Variants in PHLDB1 observed in about 807,000 individuals in gnomAD.
The protein encoded by PHLDB1 is pleckstrin homology like domain family B member 1.
A neutral mutation model predicts 139.3 loss-of-function variants in PHLDB1; 65 were observed. That is an observed-to-expected ratio of 0.47 (90% CI 0.38 to 0.57). PHLDB1 has a LOEUF of 0.57. Ranked by LOEUF, PHLDB1 falls within the 20% of genes least tolerant of loss-of-function variation. The pLI, the probability that PHLDB1 is intolerant of heterozygous loss-of-function variation, is 0.00. For missense variants in PHLDB1, 1,624 were observed against 1,839.7 expected (o/e 0.88, Z 2.14); for synonymous variants, 679 against 734.5 (o/e 0.92, Z 1.22).
chr11:118,654,413 GTATT>G (rs1364792330), intron 20 of PHLDB1: 4 of 151,998 alleles, frequency 2.6e-5, no homozygotes, highest in Non-Finnish European at 4.4e-5. Context: ...ATAGGTAAAA[GTATT>G]CATATAGTTC....
At position 118,644,757 on chromosome 11, in the gene PHLDB1, G is replaced by A. The variant is rs1405205470; in HGVS notation, c.3121+583G>A. On this transcript the variant is annotated intron_variant, in intron 15 of 22. Transcript: ENST00000600882. ...GCCCCTGCCCTGGCATCAGCATGAT[G>A]TGTCCTGCCCAGGTCCCCACTGCCT... 4.5e-6 allele frequency: 5 copies of A among 1,108,148 alleles called. No individual in the cohort carries two copies. In the Admixed American group the frequency reaches 9.4e-5, roughly 21 times the overall value. The allele number at this position is 1,108,148 out of a possible 1,614,324, so 68.6% of individuals were successfully genotyped here. A position where few individuals can be genotyped will look rare whatever the true frequency, so the allele number is the denominator to read the frequency against.
At chr11:118,637,983 G>C (rs181467683) in intron 10 of PHLDB1, 1 of 152,424 alleles carries the variant, frequency 6.6e-6, no homozygotes, top group Non-Finnish European at 1.5e-5. Flanking sequence ...AATAAAGGCA[G>C]ATGGTGATAC....
At position 118,650,632 on chromosome 11, in the gene PHLDB1, C is replaced by G; in HGVS notation, c.3874+85C>G. On this transcript the variant is annotated intron_variant, in intron 20 of 22. Coordinates refer to ENST00000600882, the MANE Select transcript of PHLDB1 (RefSeq NM_001144758.3). The surrounding 1 kb of genome is among the most constrained non-coding windows in gnomAD (Gnocchi z 4.7). ...GACGGCTGGTCTTCTAGAAGGAGGC[C>G]AAGCTTCCAAGTAGGGGACCAGAGT... 1.1e-6 allele frequency: 1 copy of G among 893,318 alleles called. No homozygotes were observed. The highest frequency in any genetic ancestry group is 1.4e-5 in the South Asian group (1 of 73,554). The allele number at this position is 893,318 out of a possible 1,614,324, so 55.3% of individuals were successfully genotyped here. A position where few individuals can be genotyped will look rare whatever the true frequency, so the allele number is the denominator to read the frequency against.
intron 4 of PHLDB1, among the ~76,000 whole-genome samples, chr11:118,616,530 A>T (rs1941681941): frequency 6.6e-6 from 1 of 152,164 alleles, no homozygotes; most frequent in Non-Finnish European, 1.5e-5. Flanking sequence ...GGGAAGAGCA[A>T]TTGGAGCAGC....
At chr11:118,655,503 C>T in intron 20 of PHLDB1, 102 bp from the exon 21 acceptor site, 1 of 738,568 alleles carries the variant, frequency 1.4e-6, no homozygotes, top group Non-Finnish European at 2.4e-6. Flanking sequence ...GGATCTTCAC[C>T]CCATTTCCCA....
chr11:118,612,783 A>T (rs1321880259), intron 1 of PHLDB1, among the ~76,000 whole-genome samples: 1 of 152,220 alleles, frequency 6.6e-6, no homozygotes, highest in Non-Finnish European at 1.5e-5. Context: ...GATGGCTTGA[A>T]GAGAGAGTGG....
At chr11:118,642,061 T>G in intron 12 of PHLDB1, 193 bp from the exon 13 acceptor site, 5 of 648,600 alleles carry the variant, frequency 7.7e-6, no homozygotes, top group Non-Finnish European at 8.3e-6. Flanking sequence ...CTTTCTCCCT[T>G]CCTTCCTCCC....
intron 18 of PHLDB1, among the ~76,000 whole-genome samples, chr11:118,649,468 A>G (rs1236211552): frequency 2.0e-5 from 3 of 152,160 alleles, no homozygotes; most frequent in Non-Finnish European, 2.9e-5. Context: ...AGATGGGTAG[A>G]ATCAGCTATC....
chr11:118,625,037 GC>G lies in PHLDB1; in HGVS notation c.465del (p.Tyr156ThrfsTer12). On this transcript the variant is annotated frameshift_variant, in exon 5 of 23. Transcript: ENST00000600882. LOFTEE classifies it high-confidence loss of function. Reference sequence around the variant, plus strand: ...TTCCAGCAGGGGGCCGAGCCCCTGGGCCCCCCTACAGCCCTGTTCCTGGTAG... The same window carrying G: ...TTCCAGCAGGGGGCCGAGCCCCTGGGCCCCCTACAGCCCTGTTCCTGGTAG... Reference protein sequence around the residue: ...MIPAGGRAPGPPYSPVPAESE... With the variant: ...MIPAGGRAPGXPYSPVPAESE... The G allele has an allele frequency of 6.2e-7, 1 of 1,611,826 alleles. No homozygotes were observed. The highest frequency in any genetic ancestry group is 1.1e-5 in the South Asian group (1 of 90,750).
rs1286154840 is a variant in PHLDB1 at position 118,628,272 on chromosome 11, C to T, written c.1449C>T (p.Asn483=). ...GGACCACCCCAGATCCCAAGCTAAA[C>T]AGGGAAGTGGCAGAGAGTCCTCGGC... ...PTRTTPDPKL[N]REVAESPRPR... is the part of the protein sequence containing the mutation. The change falls in exon 6 of 23, where the codon AAC becomes AAT. Residue 483 remains asparagine (N), a synonymous_variant. Coordinates refer to ENST00000600882, the MANE Select transcript of PHLDB1 (RefSeq NM_001144758.3). The T allele has an allele frequency of 5.0e-6, 8 of 1,614,060 alleles. No individual in the cohort carries two copies. The highest frequency in any genetic ancestry group is 5.9e-6 in the Non-Finnish European group (7 of 1,180,016).
At position 118,628,502 on chromosome 11, in the gene PHLDB1, G is replaced by A; in HGVS notation, c.1679G>A (p.Arg560Lys). The part of the protein sequence containing the change: ...ASPCQSPCVQ[R>K]KLSSGDLRVP... ...CCCTGCCAGAGTCCCTGTGTCCAGA[G>A]GAAGCTCTCCAGCGGGGACTTGCGG... The change falls in exon 6 of 23, where the codon AGG (arginine) becomes AAG (lysine). Residue 560 changes from arginine (R) to lysine (K), a missense_variant. Coordinates refer to ENST00000600882, the MANE Select transcript of PHLDB1 (RefSeq NM_001144758.3). The A allele has an allele frequency of 6.2e-7, 1 of 1,613,290 alleles. No homozygotes were observed. The highest frequency in any genetic ancestry group is 1.1e-5 in the South Asian group (1 of 91,080).
chr11:118,645,121 G>A lies in PHLDB1; in HGVS notation c.3122-235G>A, dbSNP rs1247554530. The stretch of plus-strand genomic sequence containing the variant: ...TTGGTGTCCTATATGGACTCAGGGT[G>A]CGAAAGAGCACTGAAGCCAGACTGT... On this transcript the variant is annotated intron_variant, in intron 15 of 22. Coordinates refer to ENST00000600882, the MANE Select transcript of PHLDB1 (RefSeq NM_001144758.3). This position sits in a 1 kb window ranked among gnomAD's most constrained non-coding sequence, Gnocchi z 5.1. 6 of 479,684 alleles carry A rather than the reference G, an allele frequency of 1.3e-5. No homozygotes were observed. In the East Asian group the frequency reaches 2.0e-4, roughly 16 times the overall value. 29.7% of individuals were successfully genotyped at this position (479,684 alleles called of 1,614,324 possible).
chr11:118,642,989 A>C (rs782348072), intron 13 of PHLDB1, among the ~76,000 whole-genome samples: 1 of 152,194 alleles, frequency 6.6e-6, no homozygotes, highest in Non-Finnish European at 1.5e-5. Flanking sequence ...TCTTCTCCTC[A>C]GGTTTCCTCC....
Position 118,625,015 on chromosome 11 carries a change from C to T in PHLDB1, c.437C>T (p.Pro146Leu). The change falls in exon 5 of 23, where the codon CCA becomes CTA. Residue 146 changes from proline (P) to leucine (L), a missense_variant. Transcript: ENST00000600882. ...GCCAAGTGGATGAAAAGCATGATTC[C>T]AGCAGGGGGCCGAGCCCCTGGGCCC... ...AEAKWMKSMI[P>L]AGGRAPGPPY... 6 of 1,613,718 alleles carry T rather than the reference C, an allele frequency of 3.7e-6. No individual in the cohort carries two copies. Among genetic ancestry groups the T allele is most frequent in the Non-Finnish European group, 5.1e-6 (6 of 1,179,732 alleles).
rs200493531 is a variant in PHLDB1, at chr11:118,628,628, G to A, written c.1805G>A (p.Arg602Gln). The A allele has an allele frequency of 9.3e-6, 15 of 1,609,260 alleles. No homozygotes were observed. The highest frequency in any genetic ancestry group is 5.1e-5 in the Admixed American group (3 of 59,314). ...YHRRQRQERLREQEMERLERQ... is the reference protein window; with the variant it reads ...YHRRQRQERLQEQEMERLERQ... ...CGGCGACAGCGCCAAGAGCGGCTCC[G>A]GGAGCAGGAGATGGAGAGGCTGGTG... Residue 602 changes from arginine (R) to glutamine (Q), a missense_variant, in exon 6 of 23, where the codon CGG becomes CAG. Arg to Gln is a conservative substitution (Grantham distance 43). Transcript: ENST00000600882.
At position 118,610,160 on chromosome 11, in the gene PHLDB1, C is replaced by G. The variant is rs1939881643; in HGVS notation, c.-22+2461C>G. Among the ~76,000 whole-genome samples, 1 of 151,962 alleles carries G rather than the reference C, an allele frequency of 6.6e-6. No individual in the cohort carries two copies. The highest frequency in any genetic ancestry group is 2.4e-5 in the African/African-American group (1 of 41,400). ...TCAGTCTCCCCGCATCCTCTGCCCT[C>G]GGTCTTCCCCTCCCCAGCTTGCATT... On this transcript the variant is annotated intron_variant, in intron 1 of 22. Transcript: ENST00000600882. The surrounding 1 kb of genome is among the most constrained non-coding windows in gnomAD (Gnocchi z 8.7).
chr11:118,639,510 T>A (rs1408629954), intron 12 of PHLDB1: 3 of 470,926 alleles, frequency 6.4e-6, no homozygotes, highest in Admixed American at 3.3e-5. Context: ...GTGGGGGGAC[T>A]CAGGGGCCTG....
intron 4 of PHLDB1, chr11:118,621,497 C>T (rs1268869818): frequency 6.6e-6 from 1 of 152,204 alleles, no homozygotes; most frequent in African/African-American, 2.4e-5. Flanking sequence ...CTGGAGGGCC[C>T]GAGCTAGCGG....
intron 12 of PHLDB1, chr11:118,641,708 G>A (rs771613918): frequency 7.7e-5 from 99 of 1,289,520 alleles, no homozygotes; most frequent in Middle Eastern, 2.1e-4. Flanking sequence ...TCCGCCTCCC[G>A]GGACCTGGTT....
Sources: gnomAD v4.1 joint callset for allele counts (sites outside exome capture counted in the v4.1 genomes callset) on GRCh38, gnomAD v4.1.1 for gene constraint, Gnocchi (gnomAD v3.1) non-coding constraint, MANE v1.5 for transcripts, NCBI Gene and HGNC (gene_info 2026-07-23, HGNC 2026-07-21) for gene names.